TAFA2: variants seen among roughly 807,000 people sequenced by gnomAD.
TAFA2 encodes the protein TAFA chemokine like family member 2.
A neutral mutation model predicts 18.8 loss-of-function variants in TAFA2; 7 were observed. That is an observed-to-expected ratio of 0.37 (90% confidence interval 0.21 to 0.70). TAFA2 has a LOEUF of 0.70. Among genes scored for constraint, TAFA2 ranks in the 30% least tolerant of loss-of-function variants. The probability of loss-of-function intolerance (pLI) is 0.53; values close to 1 mark genes in which losing one functional copy is unlikely to be tolerated. For missense variants in TAFA2, 122 were observed against 158.1 expected (o/e 0.77, Z 1.23); for synonymous variants, 60 against 54.2 (o/e 1.11, Z -0.47).
chr12:62,076,350 AG>A lies in TAFA2; in HGVS notation c.-2+114908del, dbSNP rs1868248681. Among the ~76,000 whole-genome samples, 3 of 152,226 alleles carry A rather than the reference AG, an allele frequency of 2.0e-5. No individual in the cohort carries two copies. The South Asian group carries it at 6.2e-4, about 31-fold the overall frequency. On this transcript the variant is annotated intron_variant, in intron 1 of 4. Transcript: ENST00000416284. ...TAGCAGAGTAACTCAGTGAGATTTAAGGCATTAGAAACAGAAGTTAATTTAA... is the reference window on the plus strand; with the variant it reads ...TAGCAGAGTAACTCAGTGAGATTTAAGCATTAGAAACAGAAGTTAATTTAA...
intron 1 of TAFA2, among the ~76,000 whole-genome samples, chr12:61,996,987 A>G (rs11832185): frequency 0.16 from 24,026 of 152,138 alleles, 2,400 homozygotes; most frequent in Non-Finnish European, 0.23. Context: ...TTGATCATCC[A>G]CTATTATCTA....
At chr12:62,093,245 A>G (rs988647174) in intron 1 of TAFA2, among the ~76,000 whole-genome samples, 8 of 152,150 alleles carry the variant, frequency 5.3e-5, no homozygotes, top group South Asian at 4.1e-4. Context: ...TTAATCTGAC[A>G]TATAGAACCA....
intron 4 of TAFA2, among the ~76,000 whole-genome samples, chr12:61,724,787 G>GTATACACCAGA (rs1555196539): frequency 0.03 from 2,624 of 87,170 alleles, 45 homozygotes; most frequent in African/African-American, 0.079. Context: ...GTGTGTGTGT[G>GTATACACCAGA]TGTGTGTGTG....
intron 4 of TAFA2, among the ~76,000 whole-genome samples, chr12:61,712,663 A>G (rs1339069027): frequency 6.6e-6 from 1 of 152,172 alleles, no homozygotes; most frequent in Non-Finnish European, 1.5e-5. Flanking sequence ...CATGGATTAC[A>G]GCATAATTAA....
intron 1 of TAFA2, among the ~76,000 whole-genome samples, chr12:62,066,958 C>T (rs550327802): frequency 1.3e-5 from 2 of 152,194 alleles, no homozygotes; most frequent in East Asian, 3.9e-4. Context: ...CTTTTCTCCA[C>T]ATCCTCCTCA....
chr12:61,976,913 C>A (rs1358833354), intron 1 of TAFA2, among the ~76,000 whole-genome samples: 2 of 152,088 alleles, frequency 1.3e-5, no homozygotes, highest in East Asian at 1.9e-4. Flanking sequence ...TTTCTTAATC[C>A]AGTCTATCAT....
intron 1 of TAFA2, among the ~76,000 whole-genome samples, chr12:62,109,032 T>C (rs1869598886): frequency 6.6e-6 from 1 of 152,224 alleles, no homozygotes; most frequent in African/African-American, 2.4e-5. Context: ...GCTTTTGGTG[T>C]TTTAGTCATT....
intron 1 of TAFA2, among the ~76,000 whole-genome samples, chr12:61,993,543 G>A (rs1880081517): frequency 6.6e-6 from 1 of 151,976 alleles, no homozygotes; most frequent in Non-Finnish European, 1.5e-5. Flanking sequence ...AGAACACAAG[G>A]TTCTTTTGAC....
Position 61,952,866 on chromosome 12 carries a change from G to T in TAFA2, c.-1-85440C>A, listed in dbSNP as rs552944340. On this transcript the variant is annotated intron_variant, in intron 1 of 4. Transcript: ENST00000416284. ...TATATATATGGTCACATAAAGAACC[G>T]AGTACGTGTTTTTGCACCCAAGATC... 2.0e-5 allele frequency among the ~76,000 whole-genome samples: 3 copies of T among 151,874 alleles called. No individual in the cohort carries two copies. In the East Asian group the frequency reaches 5.8e-4, roughly 29 times the overall value.
chr12:61,730,358 G>A (rs1277645986), intron 4 of TAFA2, among the ~76,000 whole-genome samples: 1 of 152,128 alleles, frequency 6.6e-6, no homozygotes, highest in Admixed American at 6.6e-5. Flanking sequence ...CCAGCAAGGA[G>A]GTGGTGGTTT....
At chr12:62,110,207 A>T (rs1869660900) in intron 1 of TAFA2, among the ~76,000 whole-genome samples, 1 of 152,272 alleles carries the variant, frequency 6.6e-6, no homozygotes, top group East Asian at 1.9e-4. Flanking sequence ...AATTTTATCG[A>T]AGGCCTTTTC....
intron 1 of TAFA2, among the ~76,000 whole-genome samples, chr12:61,929,908 A>G (rs1565685435): frequency 6.6e-6 from 1 of 152,052 alleles, no homozygotes; most frequent in Non-Finnish European, 1.5e-5. Context: ...CACAAGGACA[A>G]AAAGCCAAAC....
intron 1 of TAFA2, among the ~76,000 whole-genome samples, chr12:62,147,083 A>G (rs1403971354): frequency 6.6e-6 from 1 of 151,528 alleles, no homozygotes; most frequent in Non-Finnish European, 1.5e-5. Context: ...ACTCTATTCA[A>G]TAAAGAGTGT....
intron 2 of TAFA2, among the ~76,000 whole-genome samples, chr12:61,786,757 A>C (rs1870754658): frequency 6.6e-6 from 1 of 151,576 alleles, no homozygotes. Flanking sequence ...ATACTATTAT[A>C]AGGTTTTAAT....
At chr12:61,718,645 T>C (rs1869764067) in intron 4 of TAFA2, among the ~76,000 whole-genome samples, 1 of 152,212 alleles carries the variant, frequency 6.6e-6, no homozygotes, top group Non-Finnish European at 1.5e-5. Flanking sequence ...ATTTATTCTA[T>C]ATGCCAGCAT....
In TAFA2 at chr12:62,098,800, TGAA is replaced by T. The variant is rs1312368268; in HGVS notation, c.-2+92456_-2+92458del. On this transcript the variant is annotated intron_variant, in intron 1 of 4. Coordinates refer to ENST00000416284, the MANE Select transcript of TAFA2 (RefSeq NM_178539.5). ...GACTTAAAGATATTAAAATTGAAAT[TGAA>T]TAAAAATATGAATTCATATTTGACC... 4.6e-5 allele frequency among the ~76,000 whole-genome samples: 7 copies of T among 152,282 alleles called. No homozygotes were observed. In the East Asian group the frequency reaches 1.4e-3, roughly 29 times the overall value.
intron 4 of TAFA2, among the ~76,000 whole-genome samples, chr12:61,738,408 T>C (rs1211771899): frequency 6.6e-6 from 1 of 151,846 alleles, no homozygotes. Context: ...GATTTGTGCA[T>C]GCATATGAGG....
At chr12:61,756,762 G>T (rs1284164414) in intron 2 of TAFA2, among the ~76,000 whole-genome samples, 1 of 152,080 alleles carries the variant, frequency 6.6e-6, no homozygotes, top group Non-Finnish European at 1.5e-5. Context: ...ATTTTTTCAA[G>T]TGTCACAGGA....
At chr12:61,815,789 A>G (rs533626347) in intron 2 of TAFA2, among the ~76,000 whole-genome samples, 1 of 151,530 alleles carries the variant, frequency 6.6e-6, no homozygotes, top group Non-Finnish European at 1.5e-5. Flanking sequence ...TTACAGCTAG[A>G]GGCTAGATAA....
Sources: allele counts gnomAD v4.1 joint callset (sites outside exome capture counted in the v4.1 genomes callset), GRCh38; gene constraint gnomAD v4.1.1; transcripts MANE v1.5; gene names NCBI Gene and HGNC (gene_info 2026-07-23, HGNC 2026-07-21).